The following MIPOL1 variants were observed in gnomAD, a reference collection of about 807,000 sequenced individuals.
MIPOL1 encodes the protein mirror-image polydactyly 1.
MIPOL1 carries 57 observed loss-of-function variants against 60.9 expected under a neutral mutation model. The observed-to-expected ratio is 0.94, with a 90% CI of 0.76 to 1.17. The LOEUF (loss-of-function observed/expected upper bound fraction) is 1.17, where lower values mean the gene tolerates loss of function less well. Among genes scored for constraint, MIPOL1 ranks in the 50% most tolerant of loss-of-function variants. MIPOL1 has a pLI of 0.00. For synonymous variants in MIPOL1, 179 were observed against 168.8 expected (o/e 1.06, Z -0.47); for missense variants, 551 against 511.6 (o/e 1.08, Z -0.74).
chr14:37,418,109 A>T (rs866607462), intron 10 of MIPOL1, among the ~76,000 whole-genome samples: 4 of 152,214 alleles, frequency 2.6e-5, no homozygotes, highest in Non-Finnish European at 5.9e-5. Flanking sequence ...CTGTTCTAAG[A>T]TAAAAACCAA....
intron 12 of MIPOL1, among the ~76,000 whole-genome samples, chr14:37,508,908 C>CATA (rs2095303678): frequency 6.6e-6 from 1 of 152,092 alleles, no homozygotes; most frequent in Non-Finnish European, 1.5e-5. Flanking sequence ...GAACTCTCAT[C>CATA]ATTTAGTACT....
chr14:37,356,636 A>T (rs1448321087), intron 9 of MIPOL1, among the ~76,000 whole-genome samples: 1 of 152,166 alleles, frequency 6.6e-6, no homozygotes, highest in Non-Finnish European at 1.5e-5. Context: ...CCTGTCAGAA[A>T]AGCGCAGTAT....
intron 9 of MIPOL1, among the ~76,000 whole-genome samples, chr14:37,332,743 T>A (rs2089816250): frequency 6.6e-6 from 1 of 152,138 alleles, no homozygotes; most frequent in African/African-American, 2.4e-5. Context: ...CAATTCAACT[T>A]TTTTTTGGTA....
intron 10 of MIPOL1, among the ~76,000 whole-genome samples, chr14:37,371,522 C>T (rs555694367): frequency 1.6e-4 from 25 of 151,620 alleles, no homozygotes; most frequent in Admixed American, 1.6e-3. Flanking sequence ...GTCTTTTAAT[C>T]CTTCATAACA....
intron 12 of MIPOL1, among the ~76,000 whole-genome samples, chr14:37,522,837 A>G (rs1227592232): frequency 6.6e-6 from 1 of 152,118 alleles, no homozygotes; most frequent in Non-Finnish European, 1.5e-5. Context: ...CATCCTAGGA[A>G]TACATTTCAA....
In MIPOL1 at chr14:37,477,899, GT is replaced by G. The variant is rs1465590019; in HGVS notation, c.1032-22005del. 2.2e-4 allele frequency among the ~76,000 whole-genome samples: 34 copies of G among 152,172 alleles called. 1 individual carries two copies. On this transcript the variant is annotated intron_variant, in intron 11 of 12. Transcript: ENST00000684589. Reference sequence around the variant, plus strand: ...CATACATTGATCACTGCGTGTTTTTGTTTTCTATTGCTTTGCTTATTCTCTG... The same window carrying G: ...CATACATTGATCACTGCGTGTTTTTGTTTCTATTGCTTTGCTTATTCTCTG...
At chr14:37,332,929 G>T (rs1273918690) in intron 9 of MIPOL1, among the ~76,000 whole-genome samples, 1 of 152,124 alleles carries the variant, frequency 6.6e-6, no homozygotes, top group Non-Finnish European at 1.5e-5. Flanking sequence ...AACTGCTGTT[G>T]TGGAGATGAG....
chr14:37,238,415 T>C (rs1971823804), intron 1 of MIPOL1, among the ~76,000 whole-genome samples: 1 of 152,166 alleles, frequency 6.6e-6, no homozygotes, highest in African/African-American at 2.4e-5. Flanking sequence ...TAATACTTAT[T>C]AGTGAAACAA....
At chr14:37,313,674 T>A (rs2087586283) in intron 9 of MIPOL1, among the ~76,000 whole-genome samples, 1 of 152,312 alleles carries the variant, frequency 6.6e-6, no homozygotes, top group Non-Finnish European at 1.5e-5. Flanking sequence ...ATTCTTTATG[T>A]ACATGCGTGT....
At chr14:37,373,262 C>T (rs1234717422) in intron 10 of MIPOL1, among the ~76,000 whole-genome samples, 2 of 152,108 alleles carry the variant, frequency 1.3e-5, no homozygotes, top group Non-Finnish European at 2.9e-5. Context: ...CTCAGCCTCC[C>T]AAAGTGCTGG....
At chr14:37,290,797 T>G (rs1245724013) in intron 7 of MIPOL1, among the ~76,000 whole-genome samples, 1 of 152,162 alleles carries the variant, frequency 6.6e-6, no homozygotes, top group African/African-American at 2.4e-5. Context: ...TTGTACAGAT[T>G]ATTTCATCAC....
chr14:37,322,063 C>G (rs1012794200), intron 9 of MIPOL1, among the ~76,000 whole-genome samples: 2 of 151,874 alleles, frequency 1.3e-5, no homozygotes, highest in African/African-American at 4.8e-5. Context: ...TTAGGCATCC[C>G]TCTGTCCATC....
At chr14:37,498,746 C>A (rs2095170693) in intron 11 of MIPOL1, among the ~76,000 whole-genome samples, 3 of 152,112 alleles carry the variant, frequency 2.0e-5, no homozygotes, top group Admixed American at 6.6e-5. Context: ...GAAGTGGTTT[C>A]ATTTGGTATG....
chr14:37,362,590 G>T lies in MIPOL1; in HGVS notation c.829-6927G>T, dbSNP rs149076620. On this transcript the variant is annotated intron_variant, in intron 9 of 12. Coordinates refer to ENST00000684589, the MANE Select transcript of MIPOL1 (RefSeq NM_001388067.1). Reference sequence around the variant, plus strand: ...TGAATCTGACAATTACGTGTCTTGGGGTTGCTCTTCTCAAGCAGTATCTTT... The same window carrying T: ...TGAATCTGACAATTACGTGTCTTGGTGTTGCTCTTCTCAAGCAGTATCTTT... 4.8e-3 allele frequency among the ~76,000 whole-genome samples: 723 copies of T among 152,156 alleles called. 4 individuals are homozygous for T. The highest frequency in any genetic ancestry group is 0.015 in the African/African-American group (640 of 41,516).
chr14:37,510,009 T>C (rs1424573261), intron 12 of MIPOL1, among the ~76,000 whole-genome samples: 2 of 151,882 alleles, frequency 1.3e-5, no homozygotes, highest in East Asian at 1.9e-4. Context: ...ACATAGTTTA[T>C]ATATGTATAT....
intron 10 of MIPOL1, among the ~76,000 whole-genome samples, chr14:37,394,481 T>C (rs566825616): frequency 3.3e-4 from 51 of 152,244 alleles, no homozygotes; most frequent in African/African-American, 1.2e-3. Context: ...TGGTATTGCA[T>C]TGTGGTTTTG....
At chr14:37,333,273 AAT>A (rs1243500921) in intron 9 of MIPOL1, among the ~76,000 whole-genome samples, 2 of 152,122 alleles carry the variant, frequency 1.3e-5, no homozygotes, top group Non-Finnish European at 2.9e-5. Context: ...GCACATTTTT[AAT>A]GTGTTCATGG....
chr14:37,364,024 C>A (rs1327354903), intron 9 of MIPOL1, among the ~76,000 whole-genome samples: 1 of 152,166 alleles, frequency 6.6e-6, no homozygotes, highest in Non-Finnish European at 1.5e-5. Context: ...TCCCATTTTT[C>A]CAGGTACAGT....
chr14:37,410,007 G>A (rs561846217), intron 10 of MIPOL1, among the ~76,000 whole-genome samples: 2 of 152,132 alleles, frequency 1.3e-5, no homozygotes, highest in East Asian at 3.9e-4. Context: ...TAAAACTAAT[G>A]GAAGATATCT....
Sources: allele counts gnomAD v4.1 joint callset (sites outside exome capture counted in the v4.1 genomes callset), GRCh38; gene constraint gnomAD v4.1.1; transcripts MANE v1.5; gene names NCBI Gene and HGNC (gene_info 2026-07-23, HGNC 2026-07-21).